Variants in GABBR2 observed in about 807,000 individuals in gnomAD.
GABBR2 encodes the protein G-protein coupled receptor 51.
In GABBR2, 23 loss-of-function variants were observed where a neutral mutation model predicts 105.6. That is an observed-to-expected ratio of 0.22 (90% confidence interval 0.16 to 0.31). The LOEUF (loss-of-function observed/expected upper bound fraction) is 0.31, where lower values mean the gene tolerates loss of function less well. Among genes scored for constraint, GABBR2 ranks in the 10% least tolerant of loss-of-function variants. The pLI, the probability that GABBR2 is intolerant of heterozygous loss-of-function variation, is 1.00. For missense variants in GABBR2, 734 were observed against 1,245.5 expected (o/e 0.59, Z 6.18); for synonymous variants, 478 against 499.7 (o/e 0.96, Z 0.58).
At chr9:98,535,621 T>C (rs1482049665) in intron 3 of GABBR2, among the ~76,000 whole-genome samples, 1 of 152,074 alleles carries the variant, frequency 6.6e-6, no homozygotes, top group Non-Finnish European at 1.5e-5. Context: ...TTGAGGATTC[T>C]CAGATTTTGG....
chr9:98,431,708 G>GT lies in GABBR2; in HGVS notation c.1236+22272dup, dbSNP rs528201024. Among the ~76,000 whole-genome samples the GT allele has an allele frequency of 2.2e-4, 33 of 151,418 alleles. No individual in the cohort carries two copies. The South Asian group carries it at 4.8e-3, about 22-fold the overall frequency. The stretch of plus-strand genomic sequence containing the variant: ...GTTTTTTTTTGTTTTGTTTTGTTTT[G>GT]TTTTTTTGATAGAGTCTCACTCTAT... On this transcript the variant is annotated intron_variant, in intron 7 of 18. Transcript: ENST00000259455.
intron 9 of GABBR2, among the ~76,000 whole-genome samples, chr9:98,393,707 G>A (rs1176644912): frequency 6.6e-6 from 1 of 152,230 alleles, no homozygotes; most frequent in Admixed American, 6.5e-5. Context: ...CAAAGAGAAG[G>A]GAGTCATTAG....
chr9:98,520,872 C>A (rs543426420), intron 3 of GABBR2, among the ~76,000 whole-genome samples: 71 of 152,162 alleles, frequency 4.7e-4, no homozygotes, highest in African/African-American at 1.7e-3. Flanking sequence ...GGAGAATTCT[C>A]CATCTGATCG....
intron 3 of GABBR2, among the ~76,000 whole-genome samples, chr9:98,532,757 C>T (rs1329304086): frequency 6.6e-6 from 1 of 152,188 alleles, no homozygotes; most frequent in Non-Finnish European, 1.5e-5. Context: ...GATGCTGGTC[C>T]AGGGACCACA....
At position 98,615,673 on chromosome 9, in the gene GABBR2, C is replaced by T. The variant is rs145121453; in HGVS notation, c.322-37601G>A. On this transcript the variant is annotated intron_variant, in intron 1 of 18. Coordinates refer to ENST00000259455, the MANE Select transcript of GABBR2 (RefSeq NM_005458.8). ...CCTCCAGGAATAATCGGTGTCGACC[C>T]CCTGCTCTCAAAAAACACATGGTGC... is the stretch of plus-strand genomic sequence containing the variant. 1.2e-3 allele frequency among the ~76,000 whole-genome samples: 180 copies of T among 152,278 alleles called. 1 individual carries two copies. The highest frequency in any genetic ancestry group is 4.1e-3 in the African/African-American group (169 of 41,546).
At position 98,447,218 on chromosome 9, in the gene GABBR2, C is replaced by T. The variant is rs1197950280; in HGVS notation, c.1236+6763G>A. 2.1e-5 allele frequency among the ~76,000 whole-genome samples: 3 copies of T among 141,392 alleles called. 1 individual carries two copies. The highest frequency in any genetic ancestry group is 4.6e-5 in the Non-Finnish European group (3 of 64,806). 92.8% of individuals were successfully genotyped at this position (141,392 alleles called of 152,430 possible). A position where few individuals can be genotyped will look rare whatever the true frequency, so the allele number is the denominator to read the frequency against. On this transcript the variant is annotated intron_variant, in intron 7 of 18. Transcript: ENST00000259455. ...CTGGGACTACAGGCGCCCGCCACTACGCCCGGCTAATTTTTTGTATTTTTA... is the reference window on the plus strand; with the variant it reads ...CTGGGACTACAGGCGCCCGCCACTATGCCCGGCTAATTTTTTGTATTTTTA...
rs557183489 is a variant in GABBR2, at chr9:98,501,907, T to A, written c.631-5393A>T. The stretch of plus-strand genomic sequence containing the variant: ...CTCACTCATGCTGAGCAGGAGAAAA[T>A]GCCGCCAGGTCAGATCAGCTGTCTG... On this transcript the variant is annotated intron_variant, in intron 3 of 18. Coordinates refer to ENST00000259455, the MANE Select transcript of GABBR2 (RefSeq NM_005458.8). Among the ~76,000 whole-genome samples, 5 of 152,142 alleles carry A rather than the reference T, an allele frequency of 3.3e-5. No homozygotes were observed. The East Asian group carries it at 9.7e-4, about 29-fold the overall frequency.
chr9:98,485,226 C>T (rs1827018541), intron 4 of GABBR2, among the ~76,000 whole-genome samples: 1 of 152,162 alleles, frequency 6.6e-6, no homozygotes, highest in East Asian at 1.9e-4. Flanking sequence ...CCTATGTTCA[C>T]ACCCTCAAGA....
intron 3 of GABBR2, among the ~76,000 whole-genome samples, chr9:98,519,556 C>T (rs924678151): frequency 2.0e-5 from 3 of 152,338 alleles, no homozygotes; most frequent in Admixed American, 2.0e-4. Flanking sequence ...CCAAAAGGTA[C>T]AATTATGACC....
intron 2 of GABBR2, among the ~76,000 whole-genome samples, chr9:98,566,965 C>G (rs565000040): frequency 6.6e-6 from 1 of 152,190 alleles, no homozygotes; most frequent in East Asian, 1.9e-4. Flanking sequence ...TCCCATTTTA[C>G]ATGTTTGTCC....
At chr9:98,415,647 T>A (rs2131546349) in intron 7 of GABBR2, among the ~76,000 whole-genome samples, 1 of 152,324 alleles carries the variant, frequency 6.6e-6, no homozygotes, top group East Asian at 1.9e-4. Flanking sequence ...ATTTAAGATT[T>A]TTTTCCCCTG....
intron 1 of GABBR2, 86 bp downstream of exon 1, chr9:98,708,331 G>A: frequency 7.9e-7 from 1 of 1,271,474 alleles, no homozygotes; most frequent in Non-Finnish European, 1.0e-6. Context: ...TCGGGGATCT[G>A]ACCAAAGGCC....
chr9:98,404,334 G>A (rs903694605), intron 8 of GABBR2, among the ~76,000 whole-genome samples: 6 of 152,120 alleles, frequency 3.9e-5, no homozygotes, highest in African/African-American at 1.2e-4. Flanking sequence ...GAGCTGACAC[G>A]CGTTTCAATT....
chr9:98,330,785 C>T (rs898068028), intron 13 of GABBR2, among the ~76,000 whole-genome samples: 1 of 152,152 alleles, frequency 6.6e-6, no homozygotes, highest in Non-Finnish European at 1.5e-5. Flanking sequence ...CAATTTAAAC[C>T]ATTTTAGGTG....
chr9:98,397,256 C>T (rs531259427), intron 8 of GABBR2, among the ~76,000 whole-genome samples: 9 of 152,294 alleles, frequency 5.9e-5, no homozygotes, highest in East Asian at 1.9e-4. Context: ...AAGTCATTCC[C>T]GTGTCCTCAA....
rs145976330 is a variant in GABBR2, at chr9:98,527,868, A to G, written c.630+14005T>C. On this transcript the variant is annotated intron_variant, in intron 3 of 18. Transcript: ENST00000259455. The stretch of plus-strand genomic sequence containing the variant: ...AAAGGAGAGCTGCACATTAAACTAT[A>G]TTATAAAGGAGCCCTGAGGTACCCA... Among the ~76,000 whole-genome samples, 629 of 152,298 alleles carry G rather than the reference A, an allele frequency of 4.1e-3. 3 individuals are homozygous for G. The highest frequency in any genetic ancestry group is 7.0e-3 in the Non-Finnish European group (474 of 68,024).
chr9:98,694,818 G>A (rs1418571193), intron 1 of GABBR2, among the ~76,000 whole-genome samples: 1 of 152,118 alleles, frequency 6.6e-6, no homozygotes, highest in Non-Finnish European at 1.5e-5. Flanking sequence ...CATTTTATAG[G>A]TGATAAAACT....
At position 98,612,991 on chromosome 9, in the gene GABBR2, C is replaced by A. The variant is rs1829527508; in HGVS notation, c.322-34919G>T. Among the ~76,000 whole-genome samples the A allele has an allele frequency of 2.6e-5, 4 of 152,372 alleles. No homozygotes were observed. In the South Asian group the frequency reaches 8.3e-4, roughly 32 times the overall value. On this transcript the variant is annotated intron_variant, in intron 1 of 18. Coordinates refer to ENST00000259455, the MANE Select transcript of GABBR2 (RefSeq NM_005458.8). ...GAAAGCTGGGATGAAGTTCTACCAA[C>A]TGCTACCTGCTGCCTCAGCCCACAG...
At chr9:98,466,071 G>A (rs1826545543) in intron 6 of GABBR2, among the ~76,000 whole-genome samples, 1 of 152,162 alleles carries the variant, frequency 6.6e-6, no homozygotes, top group Admixed American at 6.5e-5. Flanking sequence ...CTCCAGACAT[G>A]CCTGCTTCCG....
Sources: gnomAD v4.1 joint callset for allele counts (sites outside exome capture counted in the v4.1 genomes callset) on GRCh38, gnomAD v4.1.1 for gene constraint, MANE v1.5 for transcripts, NCBI Gene and HGNC (gene_info 2026-07-23, HGNC 2026-07-21) for gene names.